Variants in NOSTRIN observed in about 807,000 individuals in gnomAD.
The protein encoded by NOSTRIN is BM247 homolog.
Under a neutral mutation model 59.0 loss-of-function variants are expected in NOSTRIN, and 63 were observed. The observed-to-expected ratio is 1.07, with a 90% CI of 0.87 to 1.32. The LOEUF (loss-of-function observed/expected upper bound fraction) is 1.32, where lower values mean the gene tolerates loss of function less well. Among genes scored for constraint, NOSTRIN ranks in the 40% most tolerant of loss-of-function variants. The probability of loss-of-function intolerance (pLI) is 0.00; values close to 1 mark genes in which losing one functional copy is unlikely to be tolerated. For missense variants in NOSTRIN, 512 were observed against 473.1 expected (o/e 1.08, Z -0.76); for synonymous variants, 200 against 165.4 (o/e 1.21, Z -1.61).
rs146802123 is a variant in NOSTRIN, at chr2:168,844,729, G to C, written c.630+1612G>C. Among the ~76,000 whole-genome samples, 325 of 152,218 alleles carry C rather than the reference G, an allele frequency of 2.1e-3. 1 individual carries two copies. Among genetic ancestry groups the C allele is most frequent in the African/African-American group, 7.5e-3 (310 of 41,526 alleles). ...ACTAAAAATAGAAAAAATTAGCCGC[G>C]CGTGGTGGCGGGCGCCTGTTGTCCC... On this transcript the variant is annotated intron_variant, in intron 8 of 15. Coordinates refer to ENST00000317647, the MANE Select transcript of NOSTRIN (RefSeq NM_001039724.4).
chr2:168,813,785 C>T (rs1686268498), intron 2 of NOSTRIN, among the ~76,000 whole-genome samples: 1 of 152,060 alleles, frequency 6.6e-6, no homozygotes, highest in East Asian at 1.9e-4. Context: ...GTACAAAGAA[C>T]AGATCTAATA....
At chr2:168,860,950 G>A in intron 14 of NOSTRIN, 41 bp downstream of exon 14, 1 of 1,277,164 alleles carries the variant, frequency 7.8e-7, no homozygotes, top group South Asian at 1.2e-5. Flanking sequence ...GGGTCCTACT[G>A]GCAGGGCACA....
At chr2:168,805,940 A>G (rs1426240628) in intron 1 of NOSTRIN, among the ~76,000 whole-genome samples, 1 of 152,226 alleles carries the variant, frequency 6.6e-6, no homozygotes, top group Non-Finnish European at 1.5e-5. Flanking sequence ...GATGTGTAAC[A>G]TGCCATTCCA....
chr2:168,840,545 A>G (rs1025514824), intron 7 of NOSTRIN, among the ~76,000 whole-genome samples: 2 of 150,628 alleles, frequency 1.3e-5, no homozygotes, highest in African/African-American at 2.5e-5. Context: ...AAAAAAAAAA[A>G]AAAAAACAAA....
chr2:168,849,307 A>G (rs1198355887), intron 8 of NOSTRIN, among the ~76,000 whole-genome samples: 2 of 152,152 alleles, frequency 1.3e-5, no homozygotes, highest in Admixed American at 6.6e-5. Context: ...TTCCCTGGAT[A>G]AAAGGATGAA....
upstream of NOSTRIN, chr2:168,802,366 T>C (rs1043412655): frequency 2.7e-5 from 11 of 400,144 alleles, no homozygotes; most frequent in African/African-American, 1.4e-4. Context: ...CTTCTCTCAA[T>C]GTTACGCTGT....
At chr2:168,840,363 T>G (rs1688004279) in intron 7 of NOSTRIN, among the ~76,000 whole-genome samples, 2 of 151,824 alleles carry the variant, frequency 1.3e-5, no homozygotes, top group Non-Finnish European at 2.9e-5. Flanking sequence ...ACCCCGTCTC[T>G]ACTAAAAATA....
At chr2:168,831,000 T>C (rs540428160) in intron 5 of NOSTRIN, among the ~76,000 whole-genome samples, 1 of 152,354 alleles carries the variant, frequency 6.6e-6, no homozygotes, top group African/African-American at 2.4e-5. Flanking sequence ...AATATGTCCA[T>C]TGTAAGATCT....
At chr2:168,834,507 G>GCGCGCGCA (rs756381301) in intron 7 of NOSTRIN, among the ~76,000 whole-genome samples, 182 bp downstream of exon 7, 300 of 125,426 alleles carry the variant, frequency 2.4e-3, no homozygotes, top group Non-Finnish European at 4.1e-3. Flanking sequence ...GCGCGCGCGC[G>GCGCGCGCA]CACACACACA....
intron 10 of NOSTRIN, 30 bp downstream of exon 10, chr2:168,851,434 A>G (rs1688764289): frequency 1.9e-6 from 3 of 1,583,396 alleles, no homozygotes; most frequent in Non-Finnish European, 1.7e-6. Flanking sequence ...AAAAAGTTAC[A>G]TTAATGGAGA....
chr2:168,812,792 G>A (rs1333294529), intron 2 of NOSTRIN, among the ~76,000 whole-genome samples: 3 of 152,324 alleles, frequency 2.0e-5, no homozygotes, highest in African/African-American at 7.2e-5. Context: ...GGGAAAGGCA[G>A]AGAGAGGGGC....
intron 2 of NOSTRIN, among the ~76,000 whole-genome samples, chr2:168,816,862 C>G (rs1230027977): frequency 6.6e-6 from 1 of 152,158 alleles, no homozygotes; most frequent in Non-Finnish European, 1.5e-5. Flanking sequence ...TGAAGGCACT[C>G]ATGTTTGAGT....
intron 15 of NOSTRIN, 75 bp downstream of exon 15, chr2:168,862,124 T>A (rs920817849): frequency 1.5e-6 from 2 of 1,328,352 alleles, no homozygotes; most frequent in African/African-American, 1.4e-5. Context: ...CCTGTCTTAG[T>A]GTGGCAGCCT....
At chr2:168,796,725 C>A (rs2105504822), upstream of NOSTRIN, among the ~76,000 whole-genome samples, 1 of 152,262 alleles carries the variant, frequency 6.6e-6, no homozygotes, top group South Asian at 2.1e-4. Flanking sequence ...TCGTTTCCTG[C>A]TTGTCAAGGC....
intron 10 of NOSTRIN, among the ~76,000 whole-genome samples, chr2:168,853,892 G>A (rs1688919629): frequency 6.6e-6 from 1 of 151,360 alleles, no homozygotes; most frequent in African/African-American, 2.4e-5. Context: ...ATTTGAGACG[G>A]AGTCTCGCTC....
At chr2:168,814,294 C>T (rs1287562051) in intron 2 of NOSTRIN, among the ~76,000 whole-genome samples, 2 of 152,172 alleles carry the variant, frequency 1.3e-5, no homozygotes, top group Admixed American at 6.5e-5. Flanking sequence ...GGTTGTTAAA[C>T]CATATCAACA....
In NOSTRIN at chr2:168,811,555, C is replaced by A; in HGVS notation, c.28-12C>A. The A allele has an allele frequency of 3.8e-6, 3 of 792,570 alleles. 1 individual carries two copies. The highest frequency in any genetic ancestry group is 3.1e-5 in the South Asian group (2 of 64,110). 49.1% of individuals were successfully genotyped at this position (792,570 alleles called of 1,614,324 possible). ...TGTTCATTGTTTTTTTGTTATTGTT[C>A]TTGTTTTTCAGTATAATAAAGTATA... is the stretch of plus-strand genomic sequence containing the variant. On this transcript the variant is annotated splice_polypyrimidine_tract_variant and intron_variant, in intron 1 of 15. Transcript: ENST00000317647.
chr2:168,798,183 A>G (rs996763046), upstream of NOSTRIN: 1 of 152,140 alleles, frequency 6.6e-6, no homozygotes, highest in Non-Finnish European at 1.5e-5. Flanking sequence ...TGGAGAGCCA[A>G]TTGTATTTGT....
intron 8 of NOSTRIN, among the ~76,000 whole-genome samples, chr2:168,850,134 A>G (rs1262702354): frequency 6.6e-6 from 1 of 151,946 alleles, no homozygotes; most frequent in Non-Finnish European, 1.5e-5. Context: ...GCTGGTCTCA[A>G]ACTCCTGACC....
Sources: allele counts gnomAD v4.1 joint callset (sites outside exome capture counted in the v4.1 genomes callset), GRCh38; gene constraint gnomAD v4.1.1; transcripts MANE v1.5; gene names NCBI Gene and HGNC (gene_info 2026-07-23, HGNC 2026-07-21).